The following M1AP variants were observed in gnomAD, a reference collection of about 807,000 sequenced individuals.
The protein encoded by M1AP is meiosis 1 arrest protein.
In M1AP, 39 loss-of-function variants were observed where a neutral mutation model predicts 51.2. The ratio of observed to expected loss-of-function variants is 0.76; its 90% CI spans 0.59 to 1.00. The LOEUF is 1.00. Ranked by LOEUF, M1AP falls within the 50% of genes least tolerant of loss-of-function variation. The pLI is 0.00. For missense variants in M1AP, 545 were observed against 641.2 expected, an observed-to-expected ratio of 0.85 and a Z score of 1.62; for synonymous variants, 251 against 249.2, an observed-to-expected ratio of 1.01 and a Z score of -0.07.
At chr2:74,575,713 T>C (rs1028598095) in intron 6 of M1AP, 134 bp from the exon 7 acceptor site, 22 of 680,344 alleles carry the variant, frequency 3.2e-5, no homozygotes, top group Middle Eastern at 4.2e-4. Context: ...CTATGCATCT[T>C]TGTATGGCCA....
At chr2:74,635,240 T>C (rs996645196) in intron 2 of M1AP, among the ~76,000 whole-genome samples, 7 of 152,134 alleles carry the variant, frequency 4.6e-5, no homozygotes, top group African/African-American at 1.7e-4. Flanking sequence ...ATTGGTCCAT[T>C]TCATCTAAGT....
intron 3 of M1AP, 69 bp downstream of exon 3, chr2:74,614,895 G>T (rs997325529): frequency 3.0e-5 from 41 of 1,371,712 alleles, no homozygotes; most frequent in Middle Eastern, 2.4e-4. Flanking sequence ...ATGTAAAGAT[G>T]ATAAACAATG....
intron 4 of M1AP, among the ~76,000 whole-genome samples, chr2:74,589,517 G>A (rs1385324053): frequency 6.6e-6 from 1 of 152,184 alleles, no homozygotes; most frequent in Non-Finnish European, 1.5e-5. Context: ...TACTGAATTA[G>A]CATTTTAAAA....
At chr2:74,576,732 T>C (rs1320781985) in intron 5 of M1AP, 114 bp from the exon 6 acceptor site, 7 of 1,320,274 alleles carry the variant, frequency 5.3e-6, no homozygotes, top group Non-Finnish European at 7.3e-6. Context: ...CCATTCCATC[T>C]CTACCAGGCA....
chr2:74,588,260 G>A (rs995608761), intron 4 of M1AP, among the ~76,000 whole-genome samples: 2 of 152,158 alleles, frequency 1.3e-5, no homozygotes, highest in Non-Finnish European at 2.9e-5. Context: ...ATGTATTTTG[G>A]TGGGGTGGGG....
chr2:74,569,643 G>A (rs1346813795), intron 7 of M1AP, among the ~76,000 whole-genome samples: 1 of 151,668 alleles, frequency 6.6e-6, no homozygotes, highest in East Asian at 1.9e-4. Flanking sequence ...CCAAAGTGCT[G>A]GGATTACAGG....
intron 5 of M1AP, among the ~76,000 whole-genome samples, chr2:74,578,097 C>T (rs2104575676): frequency 6.6e-6 from 1 of 152,288 alleles, no homozygotes; most frequent in Non-Finnish European, 1.5e-5. Flanking sequence ...AGGCGGAGCT[C>T]AGATGGTAAT....
At chr2:74,616,927 C>T (rs1160037815) in intron 2 of M1AP, among the ~76,000 whole-genome samples, 1 of 152,048 alleles carries the variant, frequency 6.6e-6, no homozygotes, top group Non-Finnish European at 1.5e-5. Context: ...AATTTTTATT[C>T]CTATTTTATT....
Position 74,585,296 on chromosome 2 carries a change from A to G in M1AP, c.596-3449T>C, listed in dbSNP as rs363679. ...CATGTGGACTCAGTGATGTGTCCCA[A>G]TTGCAGAGATGTGTTTGTCAAGTCT... On this transcript the variant is annotated intron_variant, in intron 4 of 10. Coordinates refer to ENST00000421985, the MANE Select transcript of M1AP (RefSeq NM_001321739.2). Among the ~76,000 whole-genome samples, 97 of 152,310 alleles carry G rather than the reference A, an allele frequency of 6.4e-4. No homozygotes were observed. The East Asian group carries it at 0.015, about 24-fold the overall frequency.
intron 5 of M1AP, among the ~76,000 whole-genome samples, chr2:74,579,961 C>T (rs1679304968): frequency 6.6e-6 from 1 of 152,170 alleles, no homozygotes; most frequent in Admixed American, 6.5e-5. Flanking sequence ...GTGCATACCA[C>T]TGTGCCTGGC....
At chr2:74,571,754 T>G (rs1258449814) in intron 7 of M1AP, among the ~76,000 whole-genome samples, 2 of 152,140 alleles carry the variant, frequency 1.3e-5, no homozygotes, top group African/African-American at 2.4e-5. Flanking sequence ...CCCAACACTT[T>G]GGGAGGCTGA....
intron 2 of M1AP, among the ~76,000 whole-genome samples, chr2:74,630,516 T>C (rs1682643307): frequency 6.6e-6 from 1 of 152,284 alleles, no homozygotes; most frequent in Admixed American, 6.5e-5. Flanking sequence ...CAGTGTGTGT[T>C]GTTCCCCTCA....
At chr2:74,638,573 C>T (rs1683114996) in intron 2 of M1AP, among the ~76,000 whole-genome samples, 1 of 152,302 alleles carries the variant, frequency 6.6e-6, no homozygotes, top group East Asian at 1.9e-4. Flanking sequence ...TCATTGCTCT[C>T]TCTCTCTTTT....
rs747820369 is a variant in M1AP at position 74,560,166 on chromosome 2, G to A, written c.1407C>T (p.Ser469=). Residue 469 remains serine, a synonymous_variant, in exon 9 of 11, where the codon AGC becomes AGT. Transcript: ENST00000421985. ...PQGRLHPHWE[S]RAPRKHPCKT... ...GGAGCGGTACCTTTCTCGGAGCTCG[G>A]CTCTCCCAGTGTGGGTGGAGCCGCC... The A allele has an allele frequency of 6.2e-7, 1 of 1,613,948 alleles. No homozygotes were observed. The highest frequency in any genetic ancestry group is 1.1e-5 in the South Asian group (1 of 91,060).
chr2:74,573,469 C>T (rs576514187), intron 7 of M1AP, among the ~76,000 whole-genome samples: 103 of 152,200 alleles, frequency 6.8e-4, no homozygotes, highest in African/African-American at 2.2e-3. Flanking sequence ...TCTCATGTCT[C>T]GGCCTCCTGA....
intron 2 of M1AP, among the ~76,000 whole-genome samples, chr2:74,628,119 T>C (rs1682504655): frequency 6.6e-6 from 1 of 152,232 alleles, no homozygotes; most frequent in Non-Finnish European, 1.5e-5. Flanking sequence ...ATGTTTCTAC[T>C]GCCAACATAC....
At chr2:74,583,097 C>T (rs1679510232) in intron 4 of M1AP, among the ~76,000 whole-genome samples, 1 of 151,606 alleles carries the variant, frequency 6.6e-6, no homozygotes, top group African/African-American at 2.4e-5. Context: ...AAACAAACAA[C>T]CCCAAAACAT....
chr2:74,597,577 G>A (rs1680416834), intron 4 of M1AP, among the ~76,000 whole-genome samples: 1 of 151,456 alleles, frequency 6.6e-6, no homozygotes, highest in Admixed American at 6.6e-5. Context: ...GAACACATAT[G>A]GAGAAAATAC....
chr2:74,566,529 C>T (rs376493904), intron 7 of M1AP, among the ~76,000 whole-genome samples: 20 of 152,172 alleles, frequency 1.3e-4, no homozygotes, highest in East Asian at 1.2e-3. Flanking sequence ...ATTAGTGTGA[C>T]TGGGGGGAAG....
Sources: gnomAD v4.1 joint callset for allele counts (sites outside exome capture counted in the v4.1 genomes callset) on GRCh38, gnomAD v4.1.1 for gene constraint, MANE v1.5 for transcripts, NCBI Gene and HGNC (gene_info 2026-07-23, HGNC 2026-07-21) for gene names.